Variants in CDC42BPA observed in about 807,000 individuals in gnomAD.
CDC42BPA encodes CDC42 binding protein kinase alpha, also known as serine/threonine-protein kinase MRCK alpha.
A neutral mutation model predicts 223.5 loss-of-function variants in CDC42BPA; 80 were observed. The observed-to-expected ratio is 0.36, with a 90% CI of 0.30 to 0.43. The LOEUF (loss-of-function observed/expected upper bound fraction) is 0.43, where lower values mean the gene tolerates loss of function less well. Ranked by LOEUF, CDC42BPA falls within the 20% of genes least tolerant of loss-of-function variation. CDC42BPA has a pLI of 1.00. For synonymous variants in CDC42BPA, 694 were observed against 718.6 expected, an observed-to-expected ratio of 0.97 and a Z score of 0.55; for missense variants, 1,743 against 2,099.9, an observed-to-expected ratio of 0.83 and a Z score of 3.32.
chr1:227,086,335 A>C (rs1190139301), intron 16 of CDC42BPA, among the ~76,000 whole-genome samples: 1 of 152,218 alleles, frequency 6.6e-6, no homozygotes, highest in African/African-American at 2.4e-5. Context: ...AATTCTTTTC[A>C]GTAAATAGGA....
chr1:227,224,146 T>C lies in CDC42BPA; in HGVS notation c.271-10927A>G, dbSNP rs767793477. ...GAAGTTTTTGTATTCTGCTTATTAATAGTTTATAGGACTCCAATTCCTGCA... is the reference window on the plus strand; with the variant it reads ...GAAGTTTTTGTATTCTGCTTATTAACAGTTTATAGGACTCCAATTCCTGCA... On this transcript the variant is annotated intron_variant, in intron 2 of 36. Transcript: ENST00000366766. Among the ~76,000 whole-genome samples, 9 of 152,284 alleles carry C rather than the reference T, an allele frequency of 5.9e-5. No individual in the cohort carries two copies. In the South Asian group the frequency reaches 6.2e-4, roughly 11 times the overall value.
chr1:227,264,785 A>G (rs1159044851), intron 1 of CDC42BPA: 1 of 1,069,714 alleles, frequency 9.3e-7, no homozygotes. Flanking sequence ...AGAATCTTCC[A>G]CTGTTACCTC....
At chr1:227,303,618 A>C (rs1205703722) in intron 1 of CDC42BPA, among the ~76,000 whole-genome samples, 1 of 152,170 alleles carries the variant, frequency 6.6e-6, no homozygotes, top group East Asian at 1.9e-4. Context: ...GAGGTTCCTA[A>C]AGATAGCAAT....
At chr1:227,268,626 AG>A (rs1200229849) in intron 1 of CDC42BPA, among the ~76,000 whole-genome samples, 2 of 131,844 alleles carry the variant, frequency 1.5e-5, no homozygotes, top group Non-Finnish European at 3.2e-5. Context: ...GTATATATAT[AG>A]TATGTGTATA....
intron 4 of CDC42BPA, among the ~76,000 whole-genome samples, chr1:227,198,581 A>C (rs1011813971): frequency 1.3e-5 from 2 of 152,128 alleles, no homozygotes; most frequent in Admixed American, 1.3e-4. Flanking sequence ...AAGGGATATA[A>C]AAGACTAGTA....
In CDC42BPA at chr1:227,143,010, T is replaced by A; in HGVS notation, c.1158A>T (p.Pro386=). Residue 386 remains proline, a synonymous_variant, in exon 9 of 37, where the codon CCA becomes CCT. Transcript: ENST00000366766. ...GGCCAGAAAATGCAGTATGTGTTGG[T>A]GGGGGCATCGTTTCCTAAAGGAGGA... is the stretch of plus-strand genomic sequence containing the variant. ...DCLKNSETMP[P]PTHTAFSGHH... is the part of the protein sequence containing the mutation. 6.5e-7 allele frequency: 1 copy of A among 1,530,258 alleles called. No individual in the cohort carries two copies. Among genetic ancestry groups the A allele is most frequent in the Non-Finnish European group, 8.7e-7 (1 of 1,148,540 alleles). The allele number at this position is 1,530,258 out of a possible 1,614,324, so 94.8% of individuals were successfully genotyped here.
intron 32 of CDC42BPA, among the ~76,000 whole-genome samples, chr1:227,020,354 ATCT>A (rs1023269497): frequency 2.0e-5 from 3 of 152,368 alleles, no homozygotes; most frequent in African/African-American, 7.2e-5. Context: ...CCTAGATGAC[ATCT>A]TCTTCCTACA....
chr1:227,147,903 A>G (rs961541153), intron 6 of CDC42BPA, among the ~76,000 whole-genome samples: 28 of 152,196 alleles, frequency 1.8e-4, no homozygotes, highest in Admixed American at 1.3e-3. Flanking sequence ...GTGTAAAAAA[A>G]AAAAAATGAA....
chr1:227,115,847 C>T (rs1438394009), intron 12 of CDC42BPA, among the ~76,000 whole-genome samples: 1 of 149,410 alleles, frequency 6.7e-6, no homozygotes, highest in African/African-American at 2.5e-5. Context: ...CCAGTATAAT[C>T]TGAATATCAA....
intron 26 of CDC42BPA, among the ~76,000 whole-genome samples, chr1:227,034,284 T>A (rs1669845930): frequency 6.6e-6 from 1 of 152,190 alleles, no homozygotes; most frequent in African/African-American, 2.4e-5. Context: ...TGTTTACTGA[T>A]TATGTTTTCC....
chr1:227,218,865 T>C (rs1461572225), intron 2 of CDC42BPA, among the ~76,000 whole-genome samples: 2 of 152,322 alleles, frequency 1.3e-5, no homozygotes, highest in Middle Eastern at 3.4e-3. Context: ...TTATCTTTAA[T>C]AAGCAAACTA....
At chr1:227,004,081 G>C (rs946855672) in intron 35 of CDC42BPA, 12 of 149,134 alleles carry the variant, frequency 8.0e-5, no homozygotes, top group African/African-American at 3.0e-4. Flanking sequence ...GCTACCTCGG[G>C]ACCTTTGGAC....
At chr1:227,123,112 G>A (rs1688954733) in intron 11 of CDC42BPA, among the ~76,000 whole-genome samples, 1 of 152,140 alleles carries the variant, frequency 6.6e-6, no homozygotes, top group Admixed American at 6.5e-5. Flanking sequence ...AGACCAGCCC[G>A]GCTAACATGG....
chr1:227,009,772 A>G (rs534358399), intron 34 of CDC42BPA, among the ~76,000 whole-genome samples: 1 of 152,270 alleles, frequency 6.6e-6, no homozygotes, highest in Non-Finnish European at 1.5e-5. Flanking sequence ...CTGCAGTCTA[A>G]GCAAACTCAG....
chr1:227,229,009 A>G (rs960338626), intron 2 of CDC42BPA, among the ~76,000 whole-genome samples: 12 of 152,254 alleles, frequency 7.9e-5, no homozygotes, highest in Non-Finnish European at 1.6e-4. Flanking sequence ...TGGAGGCACA[A>G]AAGTTTTAAA....
intron 35 of CDC42BPA, among the ~76,000 whole-genome samples, chr1:227,000,533 AT>A (rs1157038487): frequency 1.3e-5 from 2 of 152,120 alleles, no homozygotes; most frequent in African/African-American, 4.8e-5. Flanking sequence ...CTGAGTTTCC[AT>A]TTTCTTCACC....
chr1:227,083,749 T>A (rs949055376), intron 16 of CDC42BPA, among the ~76,000 whole-genome samples: 1 of 152,194 alleles, frequency 6.6e-6, no homozygotes, highest in Admixed American at 6.5e-5. Flanking sequence ...AGATCAAAGA[T>A]TGAAATACTT....
intron 16 of CDC42BPA, among the ~76,000 whole-genome samples, chr1:227,084,517 G>A (rs1681401723): frequency 1.5e-5 from 2 of 133,510 alleles, no homozygotes; most frequent in South Asian, 2.3e-4. Context: ...AGCAGAGTGA[G>A]ACTTCATCTC....
intron 1 of CDC42BPA, among the ~76,000 whole-genome samples, 180 bp downstream of exon 1, chr1:227,316,825 C>G (rs1287787345): frequency 6.6e-6 from 1 of 152,170 alleles, no homozygotes; most frequent in Non-Finnish European, 1.5e-5. Flanking sequence ...TTGAGCAGCA[C>G]AATTCTACTC....
Sources: allele counts gnomAD v4.1 joint callset (sites outside exome capture counted in the v4.1 genomes callset), GRCh38; gene constraint gnomAD v4.1.1; transcripts MANE v1.5; gene names NCBI Gene and HGNC (gene_info 2026-07-23, HGNC 2026-07-21).